Variants in MMP11 observed in about 807,000 individuals in gnomAD.
MMP11 encodes the protein matrix metallopeptidase 11.
Under a neutral mutation model 49.5 loss-of-function variants are expected in MMP11, and 26 were observed. That is an observed-to-expected ratio of 0.52 (90% CI 0.38 to 0.73). MMP11 has a LOEUF of 0.73. MMP11 is among the 30% of genes least tolerant of loss of function. The pLI, the probability that MMP11 is intolerant of heterozygous loss-of-function variation, is 0.00. For synonymous variants in MMP11, 265 were observed against 282.3 expected, an observed-to-expected ratio of 0.94 and a Z score of 0.62; for missense variants, 624 against 671.2, an observed-to-expected ratio of 0.93 and a Z score of 0.78.
At position 23,781,409 on chromosome 22, in the gene MMP11, G is replaced by T. The variant is rs761602668; in HGVS notation, c.1075G>T (p.Gly359Cys). The change falls in exon 6 of 8, where the codon GGT (glycine) becomes TGT (cysteine). Residue 359 changes from glycine (G) to cysteine (C), a missense_variant and splice_region_variant. By Grantham distance (159) the Gly-to-Cys change is radical. Transcript: ENST00000215743. ...CCAGGGCCACATTTGGTTCTTCCAA[G>T]GTGAGTGGGGGTTGGGGATCTGCTC... ...DAQGHIWFFQ[G>C]AQYWVYDGEK... The T allele has an allele frequency of 1.9e-6, 3 of 1,593,378 alleles. No individual in the cohort carries two copies. The highest frequency in any genetic ancestry group is 3.5e-5 in the Admixed American group (2 of 56,486).
At chr22:23,776,723 T>G (rs904714431) in intron 1 of MMP11, among the ~76,000 whole-genome samples, 1 of 151,722 alleles carries the variant, frequency 6.6e-6, no homozygotes, top group Non-Finnish European at 1.5e-5. Flanking sequence ...GTGATGATGG[T>G]GGAGTTGGTG....
intron 2 of MMP11, 93 bp downstream of exon 2, chr22:23,779,509 G>A (rs1927539514): frequency 2.6e-6 from 3 of 1,137,374 alleles, no homozygotes; most frequent in Non-Finnish European, 1.3e-6. Flanking sequence ...CACAGGCCAG[G>A]GTAGATCTTC....
In MMP11 at chr22:23,783,628, G is replaced by A. The variant is rs1050023011; in HGVS notation, c.*84G>A. On this transcript the variant is annotated 3_prime_UTR_variant, in exon 8 of 8. Coordinates refer to ENST00000215743, the MANE Select transcript of MMP11 (RefSeq NM_005940.5). The stretch of plus-strand genomic sequence containing the variant: ...GAGACCCATGGCCATCTTTGTGGCT[G>A]TGGGCACCAGGCATGGGACTGAGCC... 5.8e-6 allele frequency: 9 copies of A among 1,559,868 alleles called. No individual in the cohort carries two copies. The highest frequency in any genetic ancestry group is 1.7e-4 in the Middle Eastern group (1 of 5,948).
At position 23,783,394 on chromosome 22, in the gene MMP11, C is replaced by T; in HGVS notation, c.1334-17C>T. 2 of 1,613,570 alleles carry T rather than the reference C, an allele frequency of 1.2e-6. No individual in the cohort carries two copies. The highest frequency in any genetic ancestry group is 2.2e-5 in the South Asian group (2 of 91,078). On this transcript the variant is annotated splice_polypyrimidine_tract_variant and intron_variant, in intron 7 of 7. Transcript: ENST00000215743. ...CCAGTGTCCGCTCGCCCAGGCTTGA[C>T]CACCTTCTCTTCTCAGGCTATGCCT...
Position 23,784,163 on chromosome 22 carries a change from CTCAA to C in MMP11, c.*622_*625del, listed in dbSNP as rs1927754431. 6.4e-6 allele frequency: 1 copy of C among 157,356 alleles called. No homozygotes were observed. The highest frequency in any genetic ancestry group is 2.4e-5 in the African/African-American group (1 of 41,520). 9.7% of individuals were successfully genotyped at this position (157,356 alleles called of 1,614,324 possible). A position where few individuals can be genotyped will look rare whatever the true frequency, so the allele number is the denominator to read the frequency against. ...CCAGGCCCTGGAGGCTGCAACATAC[CTCAA>C]TCCTGTCCCAGGCCGGATCCTCCTG... On this transcript the variant is annotated 3_prime_UTR_variant, in exon 8 of 8. Transcript: ENST00000215743.
chr22:23,782,316 C>T lies in MMP11; in HGVS notation c.1166C>T (p.Ala389Val), dbSNP rs1011274449. 3 of 1,613,862 alleles carry T rather than the reference C, an allele frequency of 1.9e-6. No individual in the cohort carries two copies. The highest frequency in any genetic ancestry group is 2.7e-5 in the African/African-American group (2 of 74,892). Residue 389 changes from alanine (A) to valine (V), a missense_variant, in exon 7 of 8, where the codon GCT becomes GTT. Ala to Val is a moderately conservative substitution (Grantham distance 64, BLOSUM62 0). Coordinates refer to ENST00000215743, the MANE Select transcript of MMP11 (RefSeq NM_005940.5). ...ELGLVRFPVH[A>V]ALVWGPEKNK... is the part of the protein sequence containing the mutation. ...GGCCTGGTGAGGTTCCCGGTCCATG[C>T]TGCCTTGGTCTGGGGTCCCGAGAAG...
chr22:23,774,703 T>C (rs907111648), intron 1 of MMP11, among the ~76,000 whole-genome samples: 19 of 152,134 alleles, frequency 1.2e-4, no homozygotes, highest in African/African-American at 3.9e-4. Context: ...GCCTAACAAG[T>C]GCCCTCCTCG....
Position 23,783,779 on chromosome 22 carries a change from G to A in MMP11, c.*235G>A. The A allele has an allele frequency of 1.7e-6, 1 of 588,878 alleles. No individual in the cohort carries two copies. Among genetic ancestry groups the A allele is most frequent in the Non-Finnish European group, 3.0e-6 (1 of 332,196 alleles). 36.5% of individuals were successfully genotyped at this position (588,878 alleles called of 1,614,324 possible). On this transcript the variant is annotated 3_prime_UTR_variant, in exon 8 of 8. Coordinates refer to ENST00000215743, the MANE Select transcript of MMP11 (RefSeq NM_005940.5). ...GCAGGGAGGCTTTGGCATGACTTAAGAGGAAGGGCAGTCTTGGGCCCGCTA... is the reference window on the plus strand; with the variant it reads ...GCAGGGAGGCTTTGGCATGACTTAAAAGGAAGGGCAGTCTTGGGCCCGCTA...
rs1371144017 is a variant in MMP11 at position 23,780,589 on chromosome 22, C to A, written c.490C>A (p.His164Asn). 2 of 1,602,562 alleles carry A rather than the reference C, an allele frequency of 1.2e-6. No homozygotes were observed. Among genetic ancestry groups the A allele is most frequent in the Non-Finnish European group, 1.7e-6 (2 of 1,173,636 alleles). ...DIMIDFARYW[H>N]GDDLPFDGPG... ...GCCCCCACCCATCTGTAGGTACTGG[C>A]ATGGGGACGACCTGCCGTTTGATGG... The change falls in exon 4 of 8, where the codon CAT becomes AAT. Residue 164 changes from histidine (H) to asparagine (N), a missense_variant. By Grantham distance (68) the His-to-Asn change is moderately conservative. Transcript: ENST00000215743. The surrounding 1 kb of genome is among the most constrained non-coding windows in gnomAD (Gnocchi z 4.6).
At chr22:23,778,907 C>T (rs1927508222) in intron 1 of MMP11, among the ~76,000 whole-genome samples, 1 of 152,208 alleles carries the variant, frequency 6.6e-6, no homozygotes, top group African/African-American at 2.4e-5. Context: ...CCCCCACCCC[C>T]AGACCTCATT....
At chr22:23,774,424 C>T (rs1195029014) in intron 1 of MMP11, among the ~76,000 whole-genome samples, 1 of 152,130 alleles carries the variant, frequency 6.6e-6, no homozygotes, top group Non-Finnish European at 1.5e-5. Flanking sequence ...ATGTGTTTAT[C>T]CCCCGGCTGC....
Position 23,773,978 on chromosome 22 carries a change from A to T in MMP11, c.108+1000A>T, listed in dbSNP as rs556875663. ...GTGCTGGCTATGGGAGCAGAAAGGG[A>T]TGGGATGGGTGGGGTAGAGTGAATG... On this transcript the variant is annotated intron_variant, in intron 1 of 7. Transcript: ENST00000215743. 2.3e-3 allele frequency among the ~76,000 whole-genome samples: 341 copies of T among 148,350 alleles called. 1 individual carries two copies. Among genetic ancestry groups the T allele is most frequent in the African/African-American group, 8.1e-3 (329 of 40,776 alleles).
intron 1 of MMP11, among the ~76,000 whole-genome samples, chr22:23,776,966 C>T (rs1364071961): frequency 6.6e-6 from 1 of 151,686 alleles, no homozygotes; most frequent in Non-Finnish European, 1.5e-5. Flanking sequence ...CGCCACCACG[C>T]CTGGCTAATT....
chr22:23,781,590 G>T, intron 6 of MMP11, 181 bp downstream of exon 6: 1 of 653,814 alleles, frequency 1.5e-6, no homozygotes. Context: ...GAGGTTCTCG[G>T]AGGTGGCTCT....
At chr22:23,781,981 G>T (rs1927651350) in intron 6 of MMP11, 3 of 678,788 alleles carry the variant, frequency 4.4e-6, no homozygotes, top group Non-Finnish European at 8.0e-6. Flanking sequence ...CGCCCAGGCA[G>T]CCCTCTACTG....
Position 23,780,188 on chromosome 22 carries a change from A to G in MMP11, c.339-171A>G. On this transcript the variant is annotated intron_variant, in intron 2 of 7. Coordinates refer to ENST00000215743, the MANE Select transcript of MMP11 (RefSeq NM_005940.5). This position sits in a 1 kb window ranked among gnomAD's most constrained non-coding sequence, Gnocchi z 4.6. Reference sequence around the variant, plus strand: ...CTAAGTATGAGCAAACCACATACACATGTGCCCATGTGGCCAGGGAGACCA... The same window carrying G: ...CTAAGTATGAGCAAACCACATACACGTGTGCCCATGTGGCCAGGGAGACCA... 1.4e-6 allele frequency: 1 copy of G among 725,852 alleles called. No homozygotes were observed. The highest frequency in any genetic ancestry group is 1.8e-5 in the African/African-American group (1 of 56,428). 45.0% of individuals were successfully genotyped at this position (725,852 alleles called of 1,614,324 possible).
chr22:23,775,691 C>G (rs1373096554), intron 1 of MMP11, among the ~76,000 whole-genome samples: 2 of 152,226 alleles, frequency 1.3e-5, no homozygotes, highest in Non-Finnish European at 2.9e-5. Context: ...GCACAAGGCG[C>G]TTCTCTTTTC....
intron 7 of MMP11, 147 bp downstream of exon 7, chr22:23,782,630 G>A (rs1927680795): frequency 2.0e-6 from 2 of 1,005,302 alleles, no homozygotes; most frequent in Non-Finnish European, 2.8e-6. Flanking sequence ...CCTCCTCTCG[G>A]TGGCCGGCTA....
intron 1 of MMP11, 55 bp from the exon 2 acceptor site, chr22:23,779,132 G>A (rs897991860): frequency 7.3e-7 from 1 of 1,375,530 alleles, no homozygotes; most frequent in African/African-American, 1.4e-5. Context: ...ATCTCTAACT[G>A]TGGGCCATGT....
Sources: allele counts gnomAD v4.1 joint callset (sites outside exome capture counted in the v4.1 genomes callset), GRCh38; gene constraint gnomAD v4.1.1; non-coding constraint Gnocchi (gnomAD v3.1); transcripts MANE v1.5; gene names NCBI Gene and HGNC (gene_info 2026-07-23, HGNC 2026-07-21).